Variants in CPNE8 observed in about 807,000 individuals in gnomAD.
CPNE8 encodes the protein copine-8.
In CPNE8, 45 loss-of-function variants were observed where a neutral mutation model predicts 81.5. The ratio of observed to expected loss-of-function variants is 0.55; its 90% CI spans 0.44 to 0.71. The LOEUF is 0.71. Ranked by LOEUF, CPNE8 falls within the 30% of genes least tolerant of loss-of-function variation. The pLI is 0.00. For synonymous variants in CPNE8, 252 were observed against 226.3 expected, an observed-to-expected ratio of 1.11 and a Z score of -1.02; for missense variants, 594 against 672.1, an observed-to-expected ratio of 0.88 and a Z score of 1.28.
intron 4 of CPNE8, among the ~76,000 whole-genome samples, chr12:38,846,327 A>G (rs1470535434): frequency 6.6e-6 from 1 of 152,212 alleles, no homozygotes; most frequent in Non-Finnish European, 1.5e-5. Flanking sequence ...ATACATGCAG[A>G]CCAGGGTGAT....
chr12:38,786,009 C>T lies in CPNE8; in HGVS notation c.408-9708G>A, dbSNP rs571924096. On this transcript the variant is annotated intron_variant, in intron 6 of 19. Transcript: ENST00000331366. ...AAGGAAGGAAAGAAAGAAGAGAACACAAAACAACTAGAAAAAAAATAAGAA... is the reference window on the plus strand; with the variant it reads ...AAGGAAGGAAAGAAAGAAGAGAACATAAAACAACTAGAAAAAAAATAAGAA... Among the ~76,000 whole-genome samples, 4 of 151,680 alleles carry T rather than the reference C, an allele frequency of 2.6e-5. No individual in the cohort carries two copies. In the South Asian group the frequency reaches 8.3e-4, roughly 32 times the overall value.
In CPNE8 at chr12:38,653,198, T is replaced by C. The variant is rs1390813878; in HGVS notation, c.*684A>G. On this transcript the variant is annotated 3_prime_UTR_variant, in exon 20 of 20. Coordinates refer to ENST00000331366, the MANE Select transcript of CPNE8 (RefSeq NM_153634.3). The stretch of plus-strand genomic sequence containing the variant: ...GTCTAAATTTAGAACCCAAACTCCA[T>C]GAAAAATGCATGTTCAACCAGGAGA... 2 of 152,580 alleles carry C rather than the reference T, an allele frequency of 1.3e-5. No individual in the cohort carries two copies. Among genetic ancestry groups the C allele is most frequent in the South Asian group, 2.1e-4 (1 of 4,832 alleles). The allele number at this position is 152,580 out of a possible 1,614,324, so 9.5% of individuals were successfully genotyped here.
chr12:38,849,759 T>C (rs965634702), intron 3 of CPNE8, among the ~76,000 whole-genome samples: 1 of 152,198 alleles, frequency 6.6e-6, no homozygotes, highest in Non-Finnish European at 1.5e-5. Context: ...CCCACGTCAC[T>C]AATTCAACAT....
intron 6 of CPNE8, among the ~76,000 whole-genome samples, chr12:38,791,139 T>C (rs1052935485): frequency 1.4e-4 from 21 of 151,662 alleles, no homozygotes; most frequent in African/African-American, 5.1e-4. Flanking sequence ...TTAAATAAGA[T>C]GTAACTGCCT....
intron 14 of CPNE8, among the ~76,000 whole-genome samples, chr12:38,699,241 T>G (rs1315875274): frequency 6.6e-6 from 1 of 152,238 alleles, no homozygotes; most frequent in Non-Finnish European, 1.5e-5. Flanking sequence ...TAACCATATT[T>G]GTTTATTTTA....
At chr12:38,726,354 A>G (rs774747563) in intron 11 of CPNE8, 46 of 152,262 alleles carry the variant, frequency 3.0e-4, no homozygotes, top group Admixed American at 6.5e-4. Flanking sequence ...TTGGTCATCC[A>G]TTCATTCATT....
upstream of CPNE8, chr12:38,905,750 C>T: frequency 7.1e-7 from 1 of 1,404,254 alleles, no homozygotes; most frequent in Non-Finnish European, 9.3e-7. Flanking sequence ...CTGACGCTGC[C>T]AGGCAAGTGG....
At chr12:38,772,480 C>G (rs577906216) in intron 7 of CPNE8, among the ~76,000 whole-genome samples, 4 of 152,236 alleles carry the variant, frequency 2.6e-5, no homozygotes, top group South Asian at 2.1e-4. Flanking sequence ...AAGCATATCT[C>G]TAAGGACATA....
intron 6 of CPNE8, among the ~76,000 whole-genome samples, chr12:38,798,196 G>C (rs1490108542): frequency 1.3e-5 from 2 of 152,014 alleles, no homozygotes. Context: ...GAAATACAGA[G>C]AACGCCACAA....
intron 19 of CPNE8, 70 bp from the exon 20 acceptor site, chr12:38,654,140 C>T: frequency 6.8e-7 from 1 of 1,474,180 alleles, no homozygotes; most frequent in Non-Finnish European, 9.0e-7. Flanking sequence ...AAAAAATCAA[C>T]ACATGTACAC....
chr12:38,654,540 A>G (rs1343648303), intron 19 of CPNE8, among the ~76,000 whole-genome samples: 3 of 147,200 alleles, frequency 2.0e-5, no homozygotes, highest in African/African-American at 7.4e-5. Context: ...AAAAAATTCA[A>G]TACACTACAA....
rs200327716 is a variant in CPNE8, at chr12:38,805,677, T to A, written c.407+23702A>T. ...AGAGTATAATAAAAAAAAAAAACAT[T>A]AAAAAAAAAAAAAAGAACTAGAAAA... On this transcript the variant is annotated intron_variant, in intron 6 of 19. Coordinates refer to ENST00000331366, the MANE Select transcript of CPNE8 (RefSeq NM_153634.3). 7.3e-4 allele frequency among the ~76,000 whole-genome samples: 77 copies of A among 104,814 alleles called. 3 individuals are homozygous for A. In the South Asian group the frequency reaches 0.014, roughly 20 times the overall value. The allele number at this position is 104,814 out of a possible 152,430, so 68.8% of individuals were successfully genotyped here.
intron 10 of CPNE8, among the ~76,000 whole-genome samples, chr12:38,736,433 A>G (rs911318358): frequency 1.3e-5 from 2 of 151,914 alleles, no homozygotes; most frequent in African/African-American, 2.4e-5. Context: ...AGCAAGTGCT[A>G]TAAGCCATAG....
At chr12:38,739,055 G>A (rs1313260948) in intron 10 of CPNE8, among the ~76,000 whole-genome samples, 4 of 151,968 alleles carry the variant, frequency 2.6e-5, no homozygotes, top group Non-Finnish European at 4.4e-5. Flanking sequence ...TCAAGAGATC[G>A]CCTGCCTTGG....
chr12:38,827,073 C>T (rs1467688540), intron 6 of CPNE8, among the ~76,000 whole-genome samples: 2 of 147,996 alleles, frequency 1.4e-5, no homozygotes, highest in African/African-American at 5.0e-5. Context: ...CCCAGCTACT[C>T]GGGAGGCTGA....
At chr12:38,732,020 A>G (rs1373140095) in intron 10 of CPNE8, among the ~76,000 whole-genome samples, 1 of 151,886 alleles carries the variant, frequency 6.6e-6, no homozygotes, top group Non-Finnish European at 1.5e-5. Flanking sequence ...CTATTAGAGC[A>G]CTTCAAACAC....
intron 10 of CPNE8, among the ~76,000 whole-genome samples, chr12:38,736,447 AG>A (rs1940955697): frequency 6.6e-6 from 1 of 151,882 alleles, no homozygotes; most frequent in African/African-American, 2.4e-5. Context: ...GCCATAGTTA[AG>A]GATATGTTAT....
chr12:38,812,130 A>G (rs2136989108), intron 6 of CPNE8, among the ~76,000 whole-genome samples: 1 of 152,332 alleles, frequency 6.6e-6, no homozygotes, highest in African/African-American at 2.4e-5. Context: ...GCAGAGACAA[A>G]GAAGATTTAA....
chr12:38,772,937 A>G (rs1941836423), intron 7 of CPNE8, among the ~76,000 whole-genome samples: 1 of 151,830 alleles, frequency 6.6e-6, no homozygotes, highest in Non-Finnish European at 1.5e-5. Flanking sequence ...ATACACACAC[A>G]CACACACATA....
Sources: gnomAD v4.1 joint callset for allele counts (sites outside exome capture counted in the v4.1 genomes callset) on GRCh38, gnomAD v4.1.1 for gene constraint, MANE v1.5 for transcripts, NCBI Gene and HGNC (gene_info 2026-07-23, HGNC 2026-07-21) for gene names.